DCDC2C: variants seen among roughly 807,000 people sequenced by gnomAD.
DCDC2C encodes the protein doublecortin domain-containing protein 2C.
In DCDC2C, 44 loss-of-function variants were observed where a neutral mutation model predicts 45.0. The observed-to-expected ratio is 0.98, with a 90% CI of 0.77 to 1.26. The LOEUF is 1.26. DCDC2C is among the 50% of genes most tolerant of loss of function. DCDC2C has a pLI of 0.00. For synonymous variants in DCDC2C, 187 were observed against 178.8 expected (o/e 1.05, Z -0.37); for missense variants, 447 against 468.9 (o/e 0.95, Z 0.43).
chr2:3,764,947 A>G (rs138199895), intron 6 of DCDC2C, among the ~76,000 whole-genome samples: 13 of 152,336 alleles, frequency 8.5e-5, no homozygotes, highest in African/African-American at 3.1e-4. Context: ...AATATCCTAA[A>G]TTTGGCAATT....
At chr2:3,796,032 CTT>C (rs2148195658) in intron 10 of DCDC2C, among the ~76,000 whole-genome samples, 1 of 106,036 alleles carries the variant, frequency 9.4e-6, no homozygotes, top group African/African-American at 4.1e-5. Context: ...TTTGTATCCT[CTT>C]TTATTTCATT....
At chr2:3,745,267 T>C (rs1669328629) in intron 4 of DCDC2C, among the ~76,000 whole-genome samples, 1 of 152,218 alleles carries the variant, frequency 6.6e-6, no homozygotes, top group Non-Finnish European at 1.5e-5. Context: ...ATTATGGGCA[T>C]GAGCCACTGC....
At chr2:3,776,188 A>G (rs913401289) in intron 8 of DCDC2C, among the ~76,000 whole-genome samples, 1 of 152,092 alleles carries the variant, frequency 6.6e-6, no homozygotes, top group Non-Finnish European at 1.5e-5. Context: ...TGGTGTCTTT[A>G]GCTTCTCTCA....
At chr2:3,778,697 C>T in intron 8 of DCDC2C, 119 bp from the exon 9 acceptor site, 1 of 872,380 alleles carries the variant, frequency 1.1e-6, no homozygotes, top group Middle Eastern at 2.3e-4. Context: ...ACTGCAGTGA[C>T]TTCCCCAGCT....
chr2:3,785,577 C>T (rs944354890), intron 10 of DCDC2C, among the ~76,000 whole-genome samples: 1 of 152,096 alleles, frequency 6.6e-6, no homozygotes, highest in African/African-American at 2.4e-5. Flanking sequence ...CTTGGGAAAG[C>T]GGATGTGTAG....
chr2:3,819,026 C>A (rs1030300125), intron 10 of DCDC2C, among the ~76,000 whole-genome samples: 1 of 152,098 alleles, frequency 6.6e-6, no homozygotes, highest in Non-Finnish European at 1.5e-5. Context: ...GGGAAACAGG[C>A]CCTTGAAAGG....
chr2:3,715,857 A>G (rs1189588837), intron 2 of DCDC2C, among the ~76,000 whole-genome samples: 1 of 152,204 alleles, frequency 6.6e-6, no homozygotes, highest in Non-Finnish European at 1.5e-5. Flanking sequence ...AACAAAATCT[A>G]TACAATATAG....
chr2:3,770,869 A>G (rs760356019), intron 8 of DCDC2C, among the ~76,000 whole-genome samples: 19 of 152,296 alleles, frequency 1.2e-4, no homozygotes, highest in Non-Finnish European at 2.2e-4. Context: ...GTTATCCCGC[A>G]CTAATGTGAG....
At chr2:3,748,582 G>A (rs1475706888) in intron 4 of DCDC2C, among the ~76,000 whole-genome samples, 3 of 152,094 alleles carry the variant, frequency 2.0e-5, no homozygotes, top group Non-Finnish European at 4.4e-5. Context: ...AGTGGGATGC[G>A]CCAGGCTGGA....
At chr2:3,752,719 T>C (rs1327142129) in intron 4 of DCDC2C, 44 bp from the exon 5 acceptor site, 5 of 1,547,704 alleles carry the variant, frequency 3.2e-6, no homozygotes, top group Non-Finnish European at 4.4e-6. Context: ...CCTATGCTAC[T>C]GGTCCTCAAG....
At chr2:3,740,086 A>G (rs1158239786) in intron 3 of DCDC2C, among the ~76,000 whole-genome samples, 1 of 152,264 alleles carries the variant, frequency 6.6e-6, no homozygotes, top group Non-Finnish European at 1.5e-5. Flanking sequence ...TTCTTTCTGT[A>G]GCCCACTGTT....
intron 2 of DCDC2C, among the ~76,000 whole-genome samples, chr2:3,715,067 C>T (rs1668315153): frequency 6.6e-6 from 1 of 152,176 alleles, no homozygotes; most frequent in African/African-American, 2.4e-5. Context: ...TACCTACATA[C>T]ATGTATATAC....
chr2:3,815,121 T>C (rs944265452), intron 10 of DCDC2C, among the ~76,000 whole-genome samples: 1 of 152,248 alleles, frequency 6.6e-6, no homozygotes, highest in African/African-American at 2.4e-5. Flanking sequence ...TAAGAGTACA[T>C]GCATCTGCAC....
intron 4 of DCDC2C, among the ~76,000 whole-genome samples, chr2:3,749,004 G>A (rs1196275145): frequency 6.6e-6 from 1 of 152,056 alleles, no homozygotes; most frequent in Non-Finnish European, 1.5e-5. Flanking sequence ...TCACCACATG[G>A]TCTTGAAAAG....
At chr2:3,836,841 G>C (rs890813515) in intron 10 of DCDC2C, among the ~76,000 whole-genome samples, 4 of 133,402 alleles carry the variant, frequency 3.0e-5, no homozygotes, top group Admixed American at 8.0e-5. Flanking sequence ...CAGCCTGGGC[G>C]ACAGAGCGAG....
intron 10 of DCDC2C, among the ~76,000 whole-genome samples, chr2:3,836,150 G>T (rs1202283476): frequency 6.6e-6 from 1 of 152,150 alleles, no homozygotes; most frequent in African/African-American, 2.4e-5. Flanking sequence ...CACCAGTGAT[G>T]AAGTAATGTA....
At chr2:3,827,179 T>A (rs760920674) in intron 10 of DCDC2C, among the ~76,000 whole-genome samples, 4 of 152,096 alleles carry the variant, frequency 2.6e-5, no homozygotes, top group Non-Finnish European at 4.4e-5. Context: ...TCAGATTAAA[T>A]TAACCCTGAG....
At chr2:3,715,967 G>T (rs1668341807) in intron 2 of DCDC2C, among the ~76,000 whole-genome samples, 1 of 152,232 alleles carries the variant, frequency 6.6e-6, no homozygotes, top group Admixed American at 6.5e-5. Context: ...CAGACTCAAA[G>T]AAGTGAGGGA....
chr2:3,762,159 A>G (rs1483643339), intron 6 of DCDC2C, among the ~76,000 whole-genome samples: 3 of 43,312 alleles, frequency 6.9e-5, no homozygotes, highest in Non-Finnish European at 1.0e-4. Flanking sequence ...TTCTTGCTTG[A>G]ACCTTTTTTT....
Sources: gnomAD v4.1 joint callset for allele counts (sites outside exome capture counted in the v4.1 genomes callset) on GRCh38, gnomAD v4.1.1 for gene constraint, MANE v1.5 for transcripts, NCBI Gene and HGNC (gene_info 2026-07-23, HGNC 2026-07-21) for gene names.